PARP8: variants seen among roughly 807,000 people sequenced by gnomAD.
PARP8 encodes poly(ADP-ribose) polymerase family member 8.
A neutral mutation model predicts 124.1 loss-of-function variants in PARP8; 51 were observed. The observed-to-expected ratio is 0.41, with a 90% confidence interval of 0.33 to 0.52. The LOEUF (loss-of-function observed/expected upper bound fraction) is 0.52, where lower values mean the gene tolerates loss of function less well. PARP8 is among the 20% of genes least tolerant of loss of function. PARP8 has a pLI of 0.21. For missense variants in PARP8, 860 were observed against 1,018.9 expected, an observed-to-expected ratio of 0.84 and a Z score of 2.12; for synonymous variants, 391 against 361.5, an observed-to-expected ratio of 1.08 and a Z score of -0.93.
At chr5:50,772,816 C>T (rs1041385536) in intron 7 of PARP8, among the ~76,000 whole-genome samples, 18 of 152,190 alleles carry the variant, frequency 1.2e-4, no homozygotes, top group Non-Finnish European at 1.2e-4. Flanking sequence ...CATGCCTCAG[C>T]CTCCTGAGTA....
intron 2 of PARP8, among the ~76,000 whole-genome samples, chr5:50,691,331 CCT>C (rs781296286): frequency 6.6e-6 from 1 of 152,168 alleles, no homozygotes; most frequent in Non-Finnish European, 1.5e-5. Flanking sequence ...TCTGCCAGTG[CCT>C]CCAGGACTCC....
At chr5:50,801,970 A>C (rs531711735) in intron 14 of PARP8, among the ~76,000 whole-genome samples, 1 of 152,046 alleles carries the variant, frequency 6.6e-6, no homozygotes, top group South Asian at 2.1e-4. Context: ...ATCTTTTTTC[A>C]TGCTTATGTT....
Position 50,666,820 on chromosome 5 carries a change from T to G in PARP8, c.-276T>G. Reference sequence around the variant, plus strand: ...TGAGACTTGGTGTCATCACCATCCATTGTCAGAAGGGGAGGAAATTGGAAT... The same window carrying G: ...TGAGACTTGGTGTCATCACCATCCAGTGTCAGAAGGGGAGGAAATTGGAAT... On this transcript the variant is annotated 5_prime_UTR_variant, in exon 1 of 26. Coordinates refer to ENST00000281631, the MANE Select transcript of PARP8 (RefSeq NM_024615.4). The G allele has an allele frequency of 1.6e-6, 2 of 1,245,362 alleles. No homozygotes were observed. Among genetic ancestry groups the G allele is most frequent in the Non-Finnish European group, 2.1e-6 (2 of 973,582 alleles). 77.1% of individuals were successfully genotyped at this position (1,245,362 alleles called of 1,614,324 possible). A position where few individuals can be genotyped will look rare whatever the true frequency, so the allele number is the denominator to read the frequency against.
At chr5:50,710,834 AT>A (rs1265067034) in intron 2 of PARP8, among the ~76,000 whole-genome samples, 1 of 152,130 alleles carries the variant, frequency 6.6e-6, no homozygotes. Flanking sequence ...GTGATTGAAA[AT>A]TTTTATATCT....
chr5:50,825,166 AT>A (rs961059680), intron 18 of PARP8, among the ~76,000 whole-genome samples, 191 bp downstream of exon 18: 14 of 152,142 alleles, frequency 9.2e-5, no homozygotes, highest in African/African-American at 3.4e-4. Context: ...ATTAAAACTT[AT>A]ACATCACAAG....
rs552507304 is a variant in PARP8, at chr5:50,845,997, C to T, written c.*3929C>T. ...AAGTTTTTGTAGGTCAGAAGAATTT[C>T]AAGTAGTTTTTAGACAAAACATATC... is the stretch of plus-strand genomic sequence containing the variant. On this transcript the variant is annotated 3_prime_UTR_variant, in exon 26 of 26. Coordinates refer to ENST00000281631, the MANE Select transcript of PARP8 (RefSeq NM_024615.4). 1 of 151,754 alleles carries T rather than the reference C, an allele frequency of 6.6e-6. No homozygotes were observed. The highest frequency in any genetic ancestry group is 2.1e-4 in the South Asian group (1 of 4,824). The allele number at this position is 151,754 out of a possible 1,614,324, so 9.4% of individuals were successfully genotyped here.
At chr5:50,752,296 T>C (rs1037582999) in intron 3 of PARP8, among the ~76,000 whole-genome samples, 1 of 152,080 alleles carries the variant, frequency 6.6e-6, no homozygotes, top group Non-Finnish European at 1.5e-5. Flanking sequence ...AGACCTTAAG[T>C]TGCTGAATGA....
chr5:50,748,296 A>G, intron 2 of PARP8, among the ~76,000 whole-genome samples: 1 of 152,028 alleles, frequency 6.6e-6, no homozygotes, highest in East Asian at 1.9e-4. Flanking sequence ...GGATTTTGCA[A>G]CTTCATTTTA....
chr5:50,763,936 C>T (rs1403006514), intron 7 of PARP8, among the ~76,000 whole-genome samples: 2 of 152,200 alleles, frequency 1.3e-5, no homozygotes, highest in African/African-American at 4.8e-5. Context: ...TGACCTCAGT[C>T]TGGCCCCTTT....
At chr5:50,837,744 C>T (rs987648578) in intron 25 of PARP8, among the ~76,000 whole-genome samples, 1 of 150,570 alleles carries the variant, frequency 6.6e-6, no homozygotes, top group Non-Finnish European at 1.5e-5. Context: ...AGGGAACAGG[C>T]TGGTGCATCA....
intron 2 of PARP8, among the ~76,000 whole-genome samples, chr5:50,736,200 AG>A (rs1757460125): frequency 1.3e-5 from 2 of 152,066 alleles, no homozygotes; most frequent in Admixed American, 1.3e-4. Flanking sequence ...ATCCATACAG[AG>A]GGTAATTTGT....
chr5:50,813,472 T>G lies in PARP8; in HGVS notation c.1576-1960T>G, dbSNP rs530127817. On this transcript the variant is annotated intron_variant, in intron 14 of 25. Coordinates refer to ENST00000281631, the MANE Select transcript of PARP8 (RefSeq NM_024615.4). ...CCTGAGACTTTGCTGAAGTTGCTTA[T>G]CAGCTTAAGGAGATTTTGGGCTGAG... Among the ~76,000 whole-genome samples, 19 of 152,346 alleles carry G rather than the reference T, an allele frequency of 1.2e-4. No homozygotes were observed. The South Asian group carries it at 3.5e-3, about 28-fold the overall frequency.
At chr5:50,741,218 A>G (rs368978873) in intron 2 of PARP8, among the ~76,000 whole-genome samples, 6 of 152,210 alleles carry the variant, frequency 3.9e-5, no homozygotes, top group African/African-American at 1.4e-4. Context: ...GGGATGCAAT[A>G]TGGAAATAAT....
At chr5:50,711,713 A>G (rs943261732) in intron 2 of PARP8, among the ~76,000 whole-genome samples, 3 of 152,040 alleles carry the variant, frequency 2.0e-5, no homozygotes, top group African/African-American at 7.2e-5. Context: ...CCATAATCCA[A>G]CATACATTTC....
At chr5:50,836,664 A>C (rs1330049454) in intron 25 of PARP8, among the ~76,000 whole-genome samples, 1 of 152,152 alleles carries the variant, frequency 6.6e-6, no homozygotes, top group Non-Finnish European at 1.5e-5. Flanking sequence ...GCTCCTAGAG[A>C]AGCTAACTGC....
intron 25 of PARP8, among the ~76,000 whole-genome samples, chr5:50,837,074 G>A (rs369178958): frequency 6.6e-5 from 10 of 152,148 alleles, no homozygotes; most frequent in South Asian, 6.2e-4. Flanking sequence ...TACATGTTGC[G>A]GGGGGTGTTT....
At chr5:50,773,831 AAT>A (rs1491568096) in intron 7 of PARP8, among the ~76,000 whole-genome samples, 3 of 134,850 alleles carry the variant, frequency 2.2e-5, no homozygotes, top group African/African-American at 9.1e-5. Flanking sequence ...TTATTTCATT[AAT>A]TTTTTTTTTT....
At chr5:50,811,609 C>CT (rs1296324501) in intron 14 of PARP8, among the ~76,000 whole-genome samples, 3 of 148,552 alleles carry the variant, frequency 2.0e-5, no homozygotes, top group Non-Finnish European at 4.5e-5. Flanking sequence ...TTTTTTTATT[C>CT]TTTAAGTTCT....
At chr5:50,820,344 G>A (rs1440120366) in intron 15 of PARP8, among the ~76,000 whole-genome samples, 1 of 152,126 alleles carries the variant, frequency 6.6e-6, no homozygotes, top group Non-Finnish European at 1.5e-5. Context: ...AGTCACTTGT[G>A]TTCACACTGT....
Sources: allele counts gnomAD v4.1 joint callset (sites outside exome capture counted in the v4.1 genomes callset), GRCh38; gene constraint gnomAD v4.1.1; transcripts MANE v1.5; gene names NCBI Gene and HGNC (gene_info 2026-07-23, HGNC 2026-07-21).